Variants in PIK3C2A observed in about 807,000 individuals in gnomAD.
PIK3C2A encodes the protein phosphatidylinositol 4-phosphate 3-kinase C2 domain-containing subunit alpha.
PIK3C2A carries 97 observed loss-of-function variants against 204.5 expected under a neutral mutation model. That is an observed-to-expected ratio of 0.47 (90% CI 0.40 to 0.56). PIK3C2A has a LOEUF of 0.56. Ranked by LOEUF, PIK3C2A falls within the 20% of genes least tolerant of loss-of-function variation. The pLI, the probability that PIK3C2A is intolerant of heterozygous loss-of-function variation, is 0.00. For synonymous variants in PIK3C2A, 653 were observed against 664.4 expected, an observed-to-expected ratio of 0.98 and a Z score of 0.26; for missense variants, 1,735 against 1,969.2, an observed-to-expected ratio of 0.88 and a Z score of 2.25.
chr11:17,151,067 T>C (rs762781167), intron 3 of PIK3C2A, among the ~76,000 whole-genome samples: 1 of 152,236 alleles, frequency 6.6e-6, no homozygotes, highest in Non-Finnish European at 1.5e-5. Context: ...GTTGGTTGTC[T>C]TAAAAAATAT....
chr11:17,134,585 T>C (rs1590946797), intron 11 of PIK3C2A, among the ~76,000 whole-genome samples: 1 of 152,220 alleles, frequency 6.6e-6, no homozygotes, highest in East Asian at 1.9e-4. Flanking sequence ...GGTCTCGAAC[T>C]CCTGACCTCA....
At chr11:17,107,923 G>A (rs368171941) in intron 22 of PIK3C2A, among the ~76,000 whole-genome samples, 1 of 152,210 alleles carries the variant, frequency 6.6e-6, no homozygotes, top group Non-Finnish European at 1.5e-5. Context: ...CCAGGCTGGA[G>A]TGCAGTGGCG....
rs558718377 is a variant in PIK3C2A at position 17,106,219 on chromosome 11, C to G, written c.3545-914G>C. ...TTGAGCTCAGGAGTTTGAGACCATC[C>G]TGACCAACATAGCAAAACCCCACCA... is the stretch of plus-strand genomic sequence containing the variant. On this transcript the variant is annotated intron_variant, in intron 22 of 32. Coordinates refer to ENST00000691414, the MANE Select transcript of PIK3C2A (RefSeq NM_002645.4). 5.3e-5 allele frequency among the ~76,000 whole-genome samples: 8 copies of G among 151,942 alleles called. No individual in the cohort carries two copies. The East Asian group carries it at 1.6e-3, about 29-fold the overall frequency.
At chr11:17,179,822 C>T (rs1425743530) in intron 1 of PIK3C2A, among the ~76,000 whole-genome samples, 1 of 152,002 alleles carries the variant, frequency 6.6e-6, no homozygotes, top group East Asian at 1.9e-4. Context: ...TTATATTGCC[C>T]AGGCTGATCT....
intron 13 of PIK3C2A, among the ~76,000 whole-genome samples, chr11:17,127,331 CAG>C (rs974361595): frequency 6.6e-6 from 1 of 151,394 alleles, no homozygotes; most frequent in African/African-American, 2.4e-5. Context: ...CTTTTGGAGA[CAG>C]AGTCTCGCTC....
chr11:17,112,652 G>A lies in PIK3C2A; in HGVS notation c.3336C>T (p.Phe1112=). The A allele has an allele frequency of 6.6e-7, 1 of 1,508,804 alleles. No individual in the cohort carries two copies. The highest frequency in any genetic ancestry group is 8.9e-7 in the Non-Finnish European group (1 of 1,119,310). 93.5% of individuals were successfully genotyped at this position (1,508,804 alleles called of 1,614,324 possible). Residue 1112 remains phenylalanine (F), a synonymous_variant, in exon 21 of 33, where the codon TTC becomes TTT. Coordinates refer to ENST00000691414, the MANE Select transcript of PIK3C2A (RefSeq NM_002645.4). The part of the protein sequence containing the change: ...KELNIKSCSF[F]SSNAVPLKVT... ...CTTTTAGGGGGACAGCATTAGAACTGAAGAAGGAACACGACTGCAAATACA... is the reference window on the plus strand; with the variant it reads ...CTTTTAGGGGGACAGCATTAGAACTAAAGAAGGAACACGACTGCAAATACA...
chr11:17,186,591 A>C (rs1851759311), intron 1 of PIK3C2A, among the ~76,000 whole-genome samples: 1 of 152,240 alleles, frequency 6.6e-6, no homozygotes, highest in Admixed American at 6.5e-5. Context: ...ATTCATTTTT[A>C]AAGTATTTAG....
intron 8 of PIK3C2A, among the ~76,000 whole-genome samples, chr11:17,140,941 G>C (rs1451344301): frequency 6.6e-6 from 1 of 152,104 alleles, no homozygotes; most frequent in Non-Finnish European, 1.5e-5. Flanking sequence ...GTGTAAGGGT[G>C]AGCCATGCAA....
chr11:17,100,941 A>C (rs997906146), intron 25 of PIK3C2A, among the ~76,000 whole-genome samples: 8 of 152,214 alleles, frequency 5.3e-5, no homozygotes, highest in African/African-American at 1.9e-4. Flanking sequence ...TGTACAGCTG[A>C]GTGAATGTTG....
At chr11:17,156,351 T>C (rs1355939824) in intron 2 of PIK3C2A, among the ~76,000 whole-genome samples, 1 of 152,202 alleles carries the variant, frequency 6.6e-6, no homozygotes, top group Non-Finnish European at 1.5e-5. Flanking sequence ...TCAAGAGCTA[T>C]AACAGATTTC....
chr11:17,093,428 A>G (rs1360744534), intron 28 of PIK3C2A, among the ~76,000 whole-genome samples: 1 of 151,998 alleles, frequency 6.6e-6, no homozygotes, highest in Non-Finnish European at 1.5e-5. Context: ...CACCATGCCC[A>G]GCTAATTTTT....
chr11:17,177,765 T>C (rs914918268), intron 1 of PIK3C2A, among the ~76,000 whole-genome samples: 1 of 152,098 alleles, frequency 6.6e-6, no homozygotes, highest in Non-Finnish European at 1.5e-5. Context: ...TCCAGGTATT[T>C]GATGTGATTC....
intron 1 of PIK3C2A, among the ~76,000 whole-genome samples, chr11:17,172,709 A>G (rs1851218373): frequency 6.6e-6 from 1 of 152,208 alleles, no homozygotes; most frequent in Non-Finnish European, 1.5e-5. Flanking sequence ...TTTCCTTTCT[A>G]AGGCGACTTC....
At position 17,168,574 on chromosome 11, in the gene PIK3C2A, CCTT is replaced by C. The variant is rs373796262; in HGVS notation, c.1065+100_1065+102del. ...CCAGCCTGGGCGACAGAGCGAGACT[CCTT>C]CTTAAAAACAAAAACAAAAACAAAA... On this transcript the variant is annotated intron_variant, in intron 2 of 32. Coordinates refer to ENST00000691414, the MANE Select transcript of PIK3C2A (RefSeq NM_002645.4). The C allele has an allele frequency of 5.8e-4, 488 of 842,090 alleles. 3 individuals carry two copies. In the African/African-American group the frequency reaches 7.3e-3, roughly 13 times the overall value. The allele number at this position is 842,090 out of a possible 1,614,324, so 52.2% of individuals were successfully genotyped here.
At position 17,118,697 on chromosome 11, in the gene PIK3C2A, A is replaced by T; in HGVS notation, c.2983T>A (p.Phe995Ile). ...EIYLNSSLVQFLLSRALGNIQ... is the reference protein window; with the variant it reads ...EIYLNSSLVQILLSRALGNIQ... ...TTTCCCAATGCCCTGGACAAAAGGA[A>T]TTGCACTAATGAACTATTCAAGTAA... Residue 995 changes from phenylalanine (F) to isoleucine (I), a missense_variant, in exon 18 of 33, where the codon TTC becomes ATC. Coordinates refer to ENST00000691414, the MANE Select transcript of PIK3C2A (RefSeq NM_002645.4). The T allele has an allele frequency of 6.4e-7, 1 of 1,568,216 alleles. No individual in the cohort carries two copies. The highest frequency in any genetic ancestry group is 8.8e-7 in the Non-Finnish European group (1 of 1,140,288).
At chr11:17,144,894 CAAAAAAAAAAAAA>C (rs35069519) in intron 8 of PIK3C2A, among the ~76,000 whole-genome samples, 861 of 78,124 alleles carry the variant, frequency 0.011, 17 homozygotes, top group Middle Eastern at 0.032. Flanking sequence ...GACTCAGCCT[CAAAAAAAAAAAAA>C]AAAAAAAAAA....
intron 1 of PIK3C2A, among the ~76,000 whole-genome samples, chr11:17,191,033 G>A (rs1420758268): frequency 6.6e-6 from 1 of 152,228 alleles, no homozygotes; most frequent in South Asian, 2.1e-4. Context: ...TTCACCCAAT[G>A]AGGTTATAAT....
At chr11:17,192,233 T>C (rs1356241033) in intron 1 of PIK3C2A, among the ~76,000 whole-genome samples, 1 of 152,194 alleles carries the variant, frequency 6.6e-6, no homozygotes, top group Non-Finnish European at 1.5e-5. Context: ...AAGATGCTCT[T>C]TGGGGAATAT....
In PIK3C2A at chr11:17,102,220, T is replaced by A. The variant is rs1327546541; in HGVS notation, c.3851+442A>T. Among the ~76,000 whole-genome samples the A allele has an allele frequency of 1.2e-4, 18 of 152,144 alleles. No individual in the cohort carries two copies. In the South Asian group the frequency reaches 2.5e-3, roughly 21 times the overall value. ...GGGAGGCCGAGGCGGGTAGATCACT[T>A]GGTCAGGAGATCGAGACCATCCTGG... On this transcript the variant is annotated intron_variant, in intron 24 of 32. Coordinates refer to ENST00000691414, the MANE Select transcript of PIK3C2A (RefSeq NM_002645.4).
Sources: allele counts gnomAD v4.1 joint callset (sites outside exome capture counted in the v4.1 genomes callset), GRCh38; gene constraint gnomAD v4.1.1; transcripts MANE v1.5; gene names NCBI Gene and HGNC (gene_info 2026-07-23, HGNC 2026-07-21).